The following CAPN3 variants were observed in gnomAD, a reference collection of about 807,000 sequenced individuals.
CAPN3 encodes calpain 3, also known as calpain-3.
CAPN3 carries 88 observed loss-of-function variants against 114.0 expected under a neutral mutation model. That is an observed-to-expected ratio of 0.77 (90% CI 0.65 to 0.92). CAPN3 has a LOEUF of 0.92. Among genes scored for constraint, CAPN3 ranks in the 40% least tolerant of loss-of-function variants. The pLI is 0.00. For missense variants in CAPN3, 1,028 were observed against 1,069.0 expected, an observed-to-expected ratio of 0.96 and a Z score of 0.53; for synonymous variants, 386 against 382.9, an observed-to-expected ratio of 1.01 and a Z score of -0.09.
rs1375691407 is a variant in CAPN3 at position 42,359,858 on chromosome 15, G to A, written c.53G>A (p.Arg18Gln). 1.9e-5 allele frequency: 30 copies of A among 1,614,112 alleles called. No individual in the cohort carries two copies. Among genetic ancestry groups the A allele is most frequent in the Middle Eastern group, 1.7e-4 (1 of 6,016 alleles). The change falls in exon 1 of 24, where the codon CGG (arginine) becomes CAG (glutamine). Residue 18 changes from arginine to glutamine, a missense_variant. Arg to Gln is a conservative substitution (Grantham distance 43). Transcript: ENST00000397163. Reference protein sequence around the residue: ...SVAPRTAAEPRSPGPVPHPAQ... With the variant: ...SVAPRTAAEPQSPGPVPHPAQ... ...GCTCCAAGGACAGCGGCTGAGCCCC[G>A]GTCCCCAGGGCCAGTTCCTCACCCG... is the stretch of plus-strand genomic sequence containing the variant.
Position 42,389,731 on chromosome 15 carries a change from C to T in CAPN3, c.802-222C>T, listed in dbSNP as rs371360257. On this transcript the variant is annotated intron_variant, in intron 5 of 23. Transcript: ENST00000397163. ...ATTCCTGCCCCTTCTTCTCCCAACA[C>T]GCCCAATGGACAGCTTGGAAGGTCA... Among the ~76,000 whole-genome samples, 19 of 152,326 alleles carry T rather than the reference C, an allele frequency of 1.2e-4. No individual in the cohort carries two copies. The South Asian group carries it at 3.1e-3, about 25-fold the overall frequency.
rs767423970 is a variant in CAPN3, at chr15:42,404,105, A to AC, written c.1782+328_1782+329insC. The AC allele has an allele frequency of 7.4e-5, 37 of 497,804 alleles. No individual in the cohort carries two copies. In the East Asian group the frequency reaches 1.6e-3, roughly 22 times the overall value. 30.8% of individuals were successfully genotyped at this position (497,804 alleles called of 1,614,324 possible). A position where few individuals can be genotyped will look rare whatever the true frequency, so the allele number is the denominator to read the frequency against. ...AGCGAACACTGGATTCTGAGACTGG[A>AC]TAACATTGGATTTCACACATAGAGA... On this transcript the variant is annotated intron_variant, in intron 14 of 23. Transcript: ENST00000397163.
In CAPN3 at chr15:42,389,088, T is replaced by G. The variant is rs2053485355; in HGVS notation, c.793T>G (p.Ser265Ala). The G allele has an allele frequency of 6.2e-7, 1 of 1,614,032 alleles. No homozygotes were observed. The highest frequency in any genetic ancestry group is 1.7e-5 in the Admixed American group (1 of 60,016). Residue 265 changes from serine to alanine, a missense_variant, in exon 5 of 24, where the codon TCC becomes GCC. Transcript: ENST00000397163. ...AIERGSLMGCSIDDGTNMTYG... is the reference protein window; with the variant it reads ...AIERGSLMGCAIDDGTNMTYG... ...CGAGAGAGGCTCCCTCATGGGCTGCTCCATTGATGTAAGTCTGGGGTGTGG... is the reference window on the plus strand; with the variant it reads ...CGAGAGAGGCTCCCTCATGGGCTGCGCCATTGATGTAAGTCTGGGGTGTGG...
Position 42,409,847 on chromosome 15 carries a change from G to T in CAPN3, c.2050+3G>T. 1 of 1,350,170 alleles carries T rather than the reference G, an allele frequency of 7.4e-7. No individual in the cohort carries two copies. Among genetic ancestry groups the T allele is most frequent in the East Asian group, 2.9e-5 (1 of 34,264 alleles). The allele number at this position is 1,350,170 out of a possible 1,614,324, so 83.6% of individuals were successfully genotyped here. ...CCTTAACACAGTCGTGAACAAACGT[G>T]AGTTGCTCAAACCAAATGGGGGTGG... On this transcript the variant is annotated splice_donor_region_variant and intron_variant, in intron 18 of 23. Transcript: ENST00000397163.
intron 17 of CAPN3, 137 bp downstream of exon 17, chr15:42,409,517 C>T (rs2054138307): frequency 1.1e-6 from 1 of 934,708 alleles, no homozygotes; most frequent in Non-Finnish European, 1.7e-6. Flanking sequence ...GTGTGCGTAG[C>T]ACACAAATCC....
chr15:42,403,127 C>T (rs2053922111), intron 13 of CAPN3, 125 bp downstream of exon 13: 1 of 746,286 alleles, frequency 1.3e-6, no homozygotes, highest in South Asian at 1.4e-5. Flanking sequence ...GAGCCACTGG[C>T]CACATTACCC....
At chr15:42,411,114 C>G (rs557954673) in intron 22 of CAPN3, 114 bp downstream of exon 22, 1 of 1,034,550 alleles carries the variant, frequency 9.7e-7, no homozygotes, top group Non-Finnish European at 1.5e-6. Context: ...GGGCCAATGA[C>G]CTCTTTAGGC....
At chr15:42,363,134 C>T (rs1259856405) in intron 1 of CAPN3, among the ~76,000 whole-genome samples, 1 of 152,172 alleles carries the variant, frequency 6.6e-6, no homozygotes, top group Non-Finnish European at 1.5e-5. Context: ...CCGACTGTTC[C>T]CAGCTCACCT....
At chr15:42,392,121 C>A (rs1246665985) in intron 6 of CAPN3, among the ~76,000 whole-genome samples, 1 of 152,052 alleles carries the variant, frequency 6.6e-6, no homozygotes, top group Admixed American at 6.5e-5. Context: ...GCCGAGATCG[C>A]GCCACTGCAC....
At position 42,360,143 on chromosome 15, in the gene CAPN3, TTTTC is replaced by T. The variant is rs1456529034; in HGVS notation, c.309+30_309+33del. The T allele has an allele frequency of 1.9e-6, 3 of 1,613,502 alleles. No individual in the cohort carries two copies. In the East Asian group the frequency reaches 6.7e-5, roughly 36 times the overall value. On this transcript the variant is annotated intron_variant, in intron 1 of 23. Transcript: ENST00000397163. ...AGTAGCTTCCTGCTTGCTGGCTGGGTTTTCCCCCCACGGAGGAGTCCTCTCACTC... is the reference window on the plus strand; with the variant it reads ...AGTAGCTTCCTGCTTGCTGGCTGGGTCCCCCACGGAGGAGTCCTCTCACTC...
intron 1 of CAPN3, among the ~76,000 whole-genome samples, chr15:42,369,873 T>TC (rs1216463227): frequency 1.4e-4 from 21 of 146,138 alleles, no homozygotes; most frequent in Non-Finnish European, 2.4e-4. Flanking sequence ...TTTCTTTCTT[T>TC]TTTTTTTTTT....
rs557948821 is a variant in CAPN3 at position 42,383,568 on chromosome 15, C to T, written c.310-915C>T. ...CGCGCCACTGTACTCCAGCCTGTGT[C>T]GCCCACTGCACTCCAGCCTGGCGAC... is the stretch of plus-strand genomic sequence containing the variant. On this transcript the variant is annotated intron_variant, in intron 1 of 23. Coordinates refer to ENST00000397163, the MANE Select transcript of CAPN3 (RefSeq NM_000070.3). 8.5e-5 allele frequency among the ~76,000 whole-genome samples: 13 copies of T among 152,082 alleles called. No homozygotes were observed. In the South Asian group the frequency reaches 1.2e-3, roughly 15 times the overall value.
At position 42,387,862 on chromosome 15, in the gene CAPN3, C is replaced by T. The variant is rs763719290; in HGVS notation, c.608C>T (p.Ala203Val). 4.3e-6 allele frequency: 7 copies of T among 1,614,106 alleles called. No homozygotes were observed. The South Asian group carries it at 4.4e-5, about 10-fold the overall frequency. The change falls in exon 4 of 24, where the codon GCT becomes GTT. Residue 203 changes from alanine to valine, a missense_variant. By Grantham distance (64) the Ala-to-Val change is moderately conservative. Coordinates refer to ENST00000397163, the MANE Select transcript of CAPN3 (RefSeq NM_000070.3). The part of the protein sequence containing the change: ...KSNHRNEFWS[A>V]LLEKAYAKLH... ...AACCACCGCAATGAGTTCTGGAGTG[C>T]TCTGCTGGAGAAGGCTTATGCTAAG... is the stretch of plus-strand genomic sequence containing the variant.
At chr15:42,400,263 G>T (rs1195922276) in intron 10 of CAPN3, among the ~76,000 whole-genome samples, 3 of 152,334 alleles carry the variant, frequency 2.0e-5, no homozygotes, top group Non-Finnish European at 4.4e-5. Flanking sequence ...GGAGAACCAA[G>T]TTAGCAGCTG....
chr15:42,392,816 A>C, intron 7 of CAPN3, 94 bp downstream of exon 7: 1 of 902,258 alleles, frequency 1.1e-6, no homozygotes, highest in Non-Finnish European at 1.8e-6. Flanking sequence ...CCCTGTCTGC[A>C]GAGCTTGCCT....
chr15:42,368,569 T>C (rs978336917), intron 1 of CAPN3, among the ~76,000 whole-genome samples: 1 of 152,180 alleles, frequency 6.6e-6, no homozygotes, highest in East Asian at 1.9e-4. Context: ...CTGTATTGAT[T>C]GGTTGATGAA....
chr15:42,364,901 T>G (rs767231097), intron 1 of CAPN3, among the ~76,000 whole-genome samples: 2 of 152,116 alleles, frequency 1.3e-5, no homozygotes, highest in Non-Finnish European at 2.9e-5. Context: ...GATCCCTGCT[T>G]CTTTTGGAGG....
chr15:42,369,853 ACTTT>A (rs1221234565), intron 1 of CAPN3, among the ~76,000 whole-genome samples: 66 of 147,872 alleles, frequency 4.5e-4, no homozygotes, highest in East Asian at 2.0e-3. Flanking sequence ...TCGCATCAGC[ACTTT>A]CTTTCTTTCT....
At chr15:42,389,177 T>C in intron 5 of CAPN3, 81 bp downstream of exon 5, 1 of 1,348,072 alleles carries the variant, frequency 7.4e-7, no homozygotes, top group Non-Finnish European at 1.1e-6. Flanking sequence ...AGCATAGAGC[T>C]TTTGTGTGGG....
Sources: gnomAD v4.1 joint callset for allele counts (sites outside exome capture counted in the v4.1 genomes callset) on GRCh38, gnomAD v4.1.1 for gene constraint, MANE v1.5 for transcripts, NCBI Gene and HGNC (gene_info 2026-07-23, HGNC 2026-07-21) for gene names.